The following AP3D1 variants were observed in gnomAD, a reference collection of about 807,000 sequenced individuals.
AP3D1 encodes adaptor related protein complex 3 subunit delta 1.
Under a neutral mutation model 147.6 loss-of-function variants are expected in AP3D1, and 51 were observed. The ratio of observed to expected loss-of-function variants is 0.35; its 90% CI spans 0.28 to 0.44. AP3D1 has a LOEUF of 0.44. Among genes scored for constraint, AP3D1 ranks in the 20% least tolerant of loss-of-function variants. The pLI, the probability that AP3D1 is intolerant of heterozygous loss-of-function variation, is 1.00. For missense variants in AP3D1, 1,421 were observed against 1,624.2 expected (o/e 0.87, Z 2.15); for synonymous variants, 760 against 663.0 (o/e 1.15, Z -2.25).
intron 31 of AP3D1, among the ~76,000 whole-genome samples, chr19:2,106,815 C>T (rs1245436113): frequency 2.0e-5 from 3 of 152,098 alleles, no homozygotes; most frequent in African/African-American, 4.8e-5. Flanking sequence ...GGATACATTC[C>T]GTGTGGTTCC....
chr19:2,107,844 A>C (rs1346741573), intron 31 of AP3D1, among the ~76,000 whole-genome samples: 1 of 152,174 alleles, frequency 6.6e-6, no homozygotes, highest in Admixed American at 6.5e-5. Flanking sequence ...ACCCGGTATC[A>C]TCACAAGGAG....
intron 3 of AP3D1, among the ~76,000 whole-genome samples, chr19:2,137,478 A>T (rs906475354): frequency 5.9e-5 from 9 of 151,914 alleles, no homozygotes; most frequent in African/African-American, 2.2e-4. Context: ...ACCACGCCCC[A>T]CTAAATTTTG....
At position 2,129,344 on chromosome 19, in the gene AP3D1, AGTT is replaced by A; in HGVS notation, c.703_705del (p.Asn235del). 1 of 1,613,992 alleles carries A rather than the reference AGTT, an allele frequency of 6.2e-7. No individual in the cohort carries two copies. Among genetic ancestry groups the A allele is most frequent in the Non-Finnish European group, 8.5e-7 (1 of 1,180,006 alleles). On this transcript the variant is annotated inframe_deletion, in exon 7 of 32. Transcript: ENST00000643116. ...AGCTTGATGATCTTGATGAGGACCC[AGTT>A]GTTGGTGGAGGACGTCATCAGCTTG...
intron 1 of AP3D1, among the ~76,000 whole-genome samples, chr19:2,160,443 C>T (rs1354725542): frequency 2.0e-5 from 3 of 151,912 alleles, no homozygotes; most frequent in East Asian, 1.9e-4. Context: ...GCAGGAGAAT[C>T]GAATCGCTTG....
At chr19:2,127,237 T>C (rs1417550068) in intron 8 of AP3D1, 36 bp from the exon 9 acceptor site, 2 of 1,608,588 alleles carry the variant, frequency 1.2e-6, no homozygotes, top group Non-Finnish European at 1.7e-6. Flanking sequence ...GCATGAGGAC[T>C]GGGGGCCTCG....
intron 11 of AP3D1, 142 bp downstream of exon 11, chr19:2,123,216 G>C (rs2018658839): frequency 1.2e-6 from 1 of 859,264 alleles, no homozygotes; most frequent in South Asian, 1.6e-5. Flanking sequence ...GCAGAGGGCT[G>C]CCTCTGAGGC....
chr19:2,132,660 C>A, intron 4 of AP3D1, 82 bp from the exon 5 acceptor site: 3 of 1,208,382 alleles, frequency 2.5e-6, no homozygotes, highest in South Asian at 1.3e-5. Flanking sequence ...GCAGCAGGAG[C>A]GAAATTCTCC....
Position 2,109,213 on chromosome 19 carries a change from G to A in AP3D1, c.3351-6C>T. ...GCAACTTAGCAAAGGCGTCACTGTG[G>A]GAGGGACAGGGAGGCTGACTGCGGT... On this transcript the variant is annotated splice_region_variant and splice_polypyrimidine_tract_variant and intron_variant, in intron 29 of 31. Coordinates refer to ENST00000643116, the MANE Select transcript of AP3D1 (RefSeq NM_001261826.3). 6.4e-7 allele frequency: 1 copy of A among 1,572,866 alleles called. No individual in the cohort carries two copies. The highest frequency in any genetic ancestry group is 1.2e-5 in the South Asian group (1 of 85,358).
intron 29 of AP3D1, 23 bp from the exon 30 acceptor site, chr19:2,109,230 G>A (rs780949478): frequency 3.2e-6 from 5 of 1,558,902 alleles, no homozygotes; most frequent in Non-Finnish European, 4.3e-6. Context: ...CAGGGAGGCT[G>A]ACTGCGGTGG....
At chr19:2,121,643 T>A in intron 12 of AP3D1, 91 bp downstream of exon 12, 1 of 1,470,690 alleles carries the variant, frequency 6.8e-7, no homozygotes, top group Non-Finnish European at 9.0e-7. Context: ...GTGAGGGGAC[T>A]CCATGCATTC....
intron 31 of AP3D1, 79 bp downstream of exon 31, chr19:2,108,608 G>T (rs921972539): frequency 2.2e-6 from 3 of 1,347,028 alleles, no homozygotes; most frequent in Middle Eastern, 1.8e-4. Context: ...CCCAAAGCGC[G>T]CCTCTGGGGA....
chr19:2,107,500 G>A (rs1051687459), intron 31 of AP3D1, among the ~76,000 whole-genome samples: 11 of 151,812 alleles, frequency 7.2e-5, no homozygotes, highest in African/African-American at 2.4e-4. Context: ...TAGCACTTTG[G>A]GAGGCCGAGG....
chr19:2,115,285 G>A lies in AP3D1; in HGVS notation c.2283C>T (p.Pro761=). ...KKGKRRHSSL[P]TESDEDIAPA... ...GGGCGATGTCCTCGTCGCTCTCCGTGGGCAGCGAGCTGTGGCGGCGCTTGC... is the reference window on the plus strand; with the variant it reads ...GGGCGATGTCCTCGTCGCTCTCCGTAGGCAGCGAGCTGTGGCGGCGCTTGC... Residue 761 remains proline, a synonymous_variant, in exon 20 of 32, where the codon CCC becomes CCT. Coordinates refer to ENST00000643116, the MANE Select transcript of AP3D1 (RefSeq NM_001261826.3). 6.2e-7 allele frequency: 1 copy of A among 1,613,416 alleles called. No individual in the cohort carries two copies.
At chr19:2,127,957 T>C (rs1314354732) in intron 8 of AP3D1, among the ~76,000 whole-genome samples, 3 of 152,240 alleles carry the variant, frequency 2.0e-5, no homozygotes, top group Non-Finnish European at 1.5e-5. Flanking sequence ...CCTAGGAGTG[T>C]GGCGAGCTTC....
At chr19:2,124,153 C>T (rs1300956179) in intron 9 of AP3D1, among the ~76,000 whole-genome samples, 2 of 152,226 alleles carry the variant, frequency 1.3e-5, no homozygotes, top group Non-Finnish European at 2.9e-5. Context: ...TCACTCGCAA[C>T]CCCTGCTTCC....
At chr19:2,111,220 C>T (rs140012257) in intron 26 of AP3D1, 65 bp downstream of exon 26, 125 of 1,592,056 alleles carry the variant, frequency 7.9e-5, no homozygotes, top group Middle Eastern at 3.8e-4. Context: ...GCCCGGGTTC[C>T]GCGCGATCCC....
At chr19:2,119,106 A>C (rs2018539877) in intron 14 of AP3D1, among the ~76,000 whole-genome samples, 1 of 152,254 alleles carries the variant, frequency 6.6e-6, no homozygotes, top group Non-Finnish European at 1.5e-5. Context: ...TCAACTGTGC[A>C]GCTGGCCCTG....
At chr19:2,127,346 C>A in intron 8 of AP3D1, 145 bp from the exon 9 acceptor site, 2 of 817,040 alleles carry the variant, frequency 2.4e-6, no homozygotes, top group Non-Finnish European at 3.9e-6. Context: ...CCTTGCTCTC[C>A]AAGGCCTGTG....
Position 2,111,840 on chromosome 19 carries a change from G to C in AP3D1, c.2788-12C>G. ...GGCTTGGGAGATTTCTGGAGCAAGAGGAGGGTCGGGTTCAGTGCCCAGGCT... is the reference window on the plus strand; with the variant it reads ...GGCTTGGGAGATTTCTGGAGCAAGACGAGGGTCGGGTTCAGTGCCCAGGCT... On this transcript the variant is annotated splice_polypyrimidine_tract_variant and intron_variant, in intron 24 of 31. Transcript: ENST00000643116. 6.2e-7 allele frequency: 1 copy of C among 1,613,332 alleles called. No individual in the cohort carries two copies. Among genetic ancestry groups the C allele is most frequent in the South Asian group, 1.1e-5 (1 of 91,086 alleles).
Sources: allele counts gnomAD v4.1 joint callset (sites outside exome capture counted in the v4.1 genomes callset), GRCh38; gene constraint gnomAD v4.1.1; transcripts MANE v1.5; gene names NCBI Gene and HGNC (gene_info 2026-07-23, HGNC 2026-07-21).